TECPR2: variants seen among roughly 807,000 people sequenced by gnomAD.
TECPR2 encodes the protein tectonin beta-propeller repeat-containing protein 2.
Under a neutral mutation model 138.1 loss-of-function variants are expected in TECPR2, and 65 were observed. The ratio of observed to expected loss-of-function variants is 0.47; its 90% CI spans 0.39 to 0.58. The LOEUF is 0.58. TECPR2 is among the 20% of genes least tolerant of loss of function. The pLI is 0.00. For missense variants in TECPR2, 1,553 were observed against 1,824.5 expected (o/e 0.85, Z 2.71); for synonymous variants, 746 against 749.8 (o/e 0.99, Z 0.08).
chr14:102,455,438 G>A (rs1467493166), intron 16 of TECPR2, among the ~76,000 whole-genome samples: 1 of 152,112 alleles, frequency 6.6e-6, no homozygotes, highest in Admixed American at 6.5e-5. Context: ...ACCTTGAACC[G>A]CAATTTCCTC....
chr14:102,437,131 G>A (rs2139735007), intron 9 of TECPR2: 1 of 985,382 alleles, frequency 1.0e-6, no homozygotes, highest in African/African-American at 1.7e-5. Flanking sequence ...AGAAGAGTTG[G>A]GCACCATTTT....
At position 102,376,936 on chromosome 14, in the gene TECPR2, TTGAG is replaced by T. The variant is rs1887656082; in HGVS notation, c.216_219del (p.Phe72LeufsTer10). 6.2e-7 allele frequency: 1 copy of T among 1,612,874 alleles called. No individual in the cohort carries two copies. Among genetic ancestry groups the T allele is most frequent in the Non-Finnish European group, 8.5e-7 (1 of 1,179,660 alleles). ...CTCAACCAGATGAGGAAGTACAACTTTGAGGTGAGCCTTGCTTTGCTTTTCACCT... is the reference window on the plus strand; with the variant it reads ...CTCAACCAGATGAGGAAGTACAACTTGTGAGCCTTGCTTTGCTTTTCACCT... On this transcript the variant is annotated frameshift_variant and splice_region_variant, in exon 2 of 20. Coordinates refer to ENST00000359520, the MANE Select transcript of TECPR2 (RefSeq NM_014844.5). LOFTEE classifies it high-confidence loss of function.
At chr14:102,401,804 C>CAAAAAAAAAA (rs34413626) in intron 2 of TECPR2, among the ~76,000 whole-genome samples, 1 of 68,948 alleles carries the variant, frequency 1.5e-5, no homozygotes, top group Non-Finnish European at 2.6e-5. Context: ...GACTCCGTCT[C>CAAAAAAAAAA]AAAAAAAAAA....
At chr14:102,468,313 G>A (rs541761350) in intron 17 of TECPR2, among the ~76,000 whole-genome samples, 4 of 152,028 alleles carry the variant, frequency 2.6e-5, no homozygotes, top group Non-Finnish European at 4.4e-5. Context: ...TCAGTCTCCT[G>A]AGTAGCTAGG....
chr14:102,407,924 A>G (rs146095550), intron 3 of TECPR2, among the ~76,000 whole-genome samples: 5,723 of 148,158 alleles, frequency 0.039, 123 homozygotes, highest in Middle Eastern at 0.095. Flanking sequence ...GTGAACCCGG[A>G]AGACGGAGCT....
At position 102,425,131 on chromosome 14, in the gene TECPR2, G is replaced by A. The variant is rs1889280973; in HGVS notation, c.791G>A (p.Gly264Glu). Residue 264 changes from glycine to glutamate, a missense_variant, in exon 6 of 20, where the codon GGA becomes GAA. Transcript: ENST00000359520. Reference sequence around the variant, plus strand: ...ATCTTAAAAGATGCTTTTGCCGGGGGAGTCAAGCCTTTTGAACTGCACCCG... The same window carrying A: ...ATCTTAAAAGATGCTTTTGCCGGGGAAGTCAAGCCTTTTGAACTGCACCCG... Reference protein sequence around the residue: ...TFILKDAFAGGVKPFELHPRL... With the variant: ...TFILKDAFAGEVKPFELHPRL... 3 of 1,614,130 alleles carry A rather than the reference G, an allele frequency of 1.9e-6. No individual in the cohort carries two copies. In the East Asian group the frequency reaches 6.7e-5, roughly 36 times the overall value.
intron 18 of TECPR2, 93 bp downstream of exon 18, chr14:102,497,213 AG>A (rs1891307479): frequency 6.7e-7 from 1 of 1,502,578 alleles, no homozygotes; most frequent in Non-Finnish European, 8.8e-7. Context: ...GCTGTCTGTG[AG>A]GCAGCCTTTG....
chr14:102,397,313 A>G (rs1888339983), intron 2 of TECPR2, among the ~76,000 whole-genome samples: 1 of 152,220 alleles, frequency 6.6e-6, no homozygotes, highest in South Asian at 2.1e-4. Flanking sequence ...TTTTCAACAA[A>G]ACAAATCACG....
At chr14:102,456,086 A>G (rs1423716787) in intron 16 of TECPR2, among the ~76,000 whole-genome samples, 1 of 151,968 alleles carries the variant, frequency 6.6e-6, no homozygotes, top group East Asian at 1.9e-4. Flanking sequence ...GGGAGCAGCA[A>G]CCCCCAAGCC....
Position 102,499,695 on chromosome 14 carries a change from C to T in TECPR2, c.*1438C>T, listed in dbSNP as rs143442965. The T allele has an allele frequency of 7.1e-4, 124 of 174,316 alleles. 4 individuals carry two copies. The East Asian group carries it at 0.015, about 22-fold the overall frequency. The allele number at this position is 174,316 out of a possible 1,614,324, so 10.8% of individuals were successfully genotyped here. A position where few individuals can be genotyped will look rare whatever the true frequency, so the allele number is the denominator to read the frequency against. ...AGGGCTAGGCCGCCCTGCCACACATCCCGCCCCCTCCCGGAGGCAGCTTCA... is the reference window on the plus strand; with the variant it reads ...AGGGCTAGGCCGCCCTGCCACACATTCCGCCCCCTCCCGGAGGCAGCTTCA... On this transcript the variant is annotated 3_prime_UTR_variant, in exon 20 of 20. Transcript: ENST00000359520.
At chr14:102,464,179 T>A (rs562564635) in intron 16 of TECPR2, among the ~76,000 whole-genome samples, 2 of 152,222 alleles carry the variant, frequency 1.3e-5, no homozygotes, top group Non-Finnish European at 1.5e-5. Flanking sequence ...CGTGTATCAT[T>A]GTTGTGGGTT....
intron 4 of TECPR2, 49 bp downstream of exon 4, chr14:102,408,668 G>C: frequency 2.0e-6 from 3 of 1,535,848 alleles, no homozygotes; most frequent in Non-Finnish European, 2.6e-6. Flanking sequence ...CTTACATTTG[G>C]AAAAACTATA....
chr14:102,458,661 G>A (rs2139763617), intron 16 of TECPR2, among the ~76,000 whole-genome samples: 1 of 152,148 alleles, frequency 6.6e-6, no homozygotes, highest in Middle Eastern at 3.4e-3. Context: ...TGTGGTGCAT[G>A]TTCATGCCAC....
intron 16 of TECPR2, among the ~76,000 whole-genome samples, chr14:102,464,521 A>G (rs1464308058): frequency 6.6e-6 from 1 of 151,950 alleles, no homozygotes; most frequent in African/African-American, 2.4e-5. Flanking sequence ...AGTAGCTGGG[A>G]CTACAGGTGT....
chr14:102,452,035 C>T (rs1890156504), intron 15 of TECPR2, among the ~76,000 whole-genome samples: 1 of 152,154 alleles, frequency 6.6e-6, no homozygotes, highest in South Asian at 2.1e-4. Flanking sequence ...AATTAACTTT[C>T]TACATTAAAA....
intron 13 of TECPR2, among the ~76,000 whole-genome samples, chr14:102,449,392 C>T (rs1410566285): frequency 6.6e-6 from 1 of 152,234 alleles, no homozygotes; most frequent in African/African-American, 2.4e-5. Flanking sequence ...TATATTCTTC[C>T]ATACCTTTAA....
At chr14:102,460,861 A>AT (rs1411450975) in intron 16 of TECPR2, among the ~76,000 whole-genome samples, 4 of 151,230 alleles carry the variant, frequency 2.6e-5, no homozygotes, top group East Asian at 2.0e-4. Flanking sequence ...TGCCCAGCTA[A>AT]TTTTTTTGTA....
At chr14:102,442,938 C>G (rs1308175300) in intron 11 of TECPR2, among the ~76,000 whole-genome samples, 3 of 152,372 alleles carry the variant, frequency 2.0e-5, no homozygotes, top group Admixed American at 2.0e-4. Context: ...GAGCCCTGGA[C>G]AGGGAGCCAG....
rs969727850 is a variant in TECPR2, at chr14:102,415,682, G to A, written c.638+889G>A. On this transcript the variant is annotated intron_variant, in intron 5 of 19. Transcript: ENST00000359520. The surrounding 1 kb of genome is among the most constrained non-coding windows in gnomAD (Gnocchi z 4.3). The stretch of plus-strand genomic sequence containing the variant: ...AGGGCGGCATTAGTACAGATCATGC[G>A]TTGATGAGTCTACAGTCATGGATTG... Among the ~76,000 whole-genome samples, 32 of 152,164 alleles carry A rather than the reference G, an allele frequency of 2.1e-4. No homozygotes were observed. The highest frequency in any genetic ancestry group is 6.8e-4 in the African/African-American group (28 of 41,430).
Sources: allele counts gnomAD v4.1 joint callset (sites outside exome capture counted in the v4.1 genomes callset), GRCh38; gene constraint gnomAD v4.1.1; non-coding constraint Gnocchi (gnomAD v3.1); transcripts MANE v1.5; gene names NCBI Gene and HGNC (gene_info 2026-07-23, HGNC 2026-07-21).